Variants in BTBD16 observed in about 807,000 individuals in gnomAD.
BTBD16 encodes the protein BTB/POZ domain-containing protein 16.
In BTBD16, 66 loss-of-function variants were observed where a neutral mutation model predicts 67.4. The observed-to-expected ratio is 0.98, with a 90% CI of 0.80 to 1.20. The LOEUF is 1.20. BTBD16 is among the 50% of genes most tolerant of loss of function. The pLI is 0.00. For synonymous variants in BTBD16, 242 were observed against 236.4 expected (o/e 1.02, Z -0.22); for missense variants, 634 against 616.0 (o/e 1.03, Z -0.31).
At chr10:122,287,175 GC>G (rs1174210188) in intron 5 of BTBD16, among the ~76,000 whole-genome samples, 1 of 152,194 alleles carries the variant, frequency 6.6e-6, no homozygotes, top group African/African-American at 2.4e-5. Flanking sequence ...ACTGCAACAA[GC>G]TTGGTGCTGG....
chr10:122,307,039 T>G, intron 9 of BTBD16, 150 bp from the exon 10 acceptor site: 2 of 797,692 alleles, frequency 2.5e-6, no homozygotes, highest in Non-Finnish European at 3.8e-6. Context: ...TGGCCTTGAG[T>G]AAGCTGTTTA....
At chr10:122,297,865 G>C (rs774088901) in intron 8 of BTBD16, 28 bp downstream of exon 8, 1 of 1,610,214 alleles carries the variant, frequency 6.2e-7, no homozygotes. Flanking sequence ...GGGGCACATC[G>C]CCCCTTGGGG....
chr10:122,295,297 G>A, intron 7 of BTBD16: 1 of 985,324 alleles, frequency 1.0e-6, no homozygotes, highest in Non-Finnish European at 1.2e-6. Flanking sequence ...AAGAATTACA[G>A]CAGTCAAAGG....
chr10:122,311,016 G>A (rs2096412839), intron 10 of BTBD16, among the ~76,000 whole-genome samples: 1 of 105,734 alleles, frequency 9.5e-6, no homozygotes, highest in Non-Finnish European at 1.9e-5. Context: ...AGACAGGCTA[G>A]GAGGGAACGT....
At chr10:122,331,364 G>T in intron 12 of BTBD16, 106 bp downstream of exon 12, 11 of 1,493,290 alleles carry the variant, frequency 7.4e-6, no homozygotes, top group Non-Finnish European at 9.8e-6. Context: ...AACCTCTGAG[G>T]TCAGGACATA....
chr10:122,299,114 C>T lies in BTBD16; in HGVS notation c.771C>T (p.His257=), dbSNP rs763254743. The T allele has an allele frequency of 3.1e-5, 50 of 1,613,794 alleles. No individual in the cohort carries two copies. In the South Asian group the frequency reaches 5.2e-4, roughly 17 times the overall value. ...ACAAAATCCCACAGGACCTGCTCCA[C>T]AAAGTGCTGAAGTCCCCCAGGTCAG... ...HLHKIPQDLL[H]KVLKSPRLFT... is the part of the protein sequence containing the mutation. Residue 257 remains histidine (H), a synonymous_variant, in exon 9 of 16, where the codon CAC becomes CAT. Transcript: ENST00000260723.
chr10:122,281,597 T>G (rs2096353324), intron 3 of BTBD16, among the ~76,000 whole-genome samples: 1 of 152,116 alleles, frequency 6.6e-6, no homozygotes, highest in African/African-American at 2.4e-5. Flanking sequence ...ATAACTCCAT[T>G]TTTATGTTGA....
chr10:122,316,945 G>A (rs2096425979), intron 10 of BTBD16, among the ~76,000 whole-genome samples: 1 of 152,112 alleles, frequency 6.6e-6, no homozygotes, highest in African/African-American at 2.4e-5. Flanking sequence ...GTGTCAGTGC[G>A]CCCGGCTAAT....
chr10:122,312,441 T>C (rs1399945314), intron 10 of BTBD16, among the ~76,000 whole-genome samples: 2 of 151,612 alleles, frequency 1.3e-5, no homozygotes, highest in African/African-American at 2.4e-5. Context: ...GCCTCCTGAG[T>C]AGCTGGGACT....
At chr10:122,271,936 G>C (rs187089738) in intron 1 of BTBD16, among the ~76,000 whole-genome samples, 55 of 152,308 alleles carry the variant, frequency 3.6e-4, no homozygotes, top group African/African-American at 1.3e-3. Flanking sequence ...CGAGTCCCGT[G>C]TGGGGTTTAT....
At chr10:122,287,849 C>T (rs2096366755) in intron 5 of BTBD16, among the ~76,000 whole-genome samples, 1 of 152,126 alleles carries the variant, frequency 6.6e-6, no homozygotes, top group African/African-American at 2.4e-5. Context: ...GCGTGGAATC[C>T]AAGGAGGAAG....
At chr10:122,309,400 A>G (rs1220008313) in intron 10 of BTBD16, among the ~76,000 whole-genome samples, 1 of 150,928 alleles carries the variant, frequency 6.6e-6, no homozygotes, top group East Asian at 1.9e-4. Context: ...GCTGGAGTGC[A>G]GTAGCGCCAT....
At chr10:122,275,311 G>A (rs951748213) in intron 2 of BTBD16, among the ~76,000 whole-genome samples, 6 of 152,248 alleles carry the variant, frequency 3.9e-5, no homozygotes, top group Non-Finnish European at 8.8e-5. Context: ...TTACTTTGAC[G>A]TTTTACGTGA....
chr10:122,314,930 T>C (rs1375409950), intron 10 of BTBD16, among the ~76,000 whole-genome samples: 2 of 151,972 alleles, frequency 1.3e-5, no homozygotes, highest in Non-Finnish European at 2.9e-5. Context: ...ATGAACGTCA[T>C]CTGATAATGA....
chr10:122,285,740 C>T (rs933170327), intron 4 of BTBD16, among the ~76,000 whole-genome samples: 1 of 152,102 alleles, frequency 6.6e-6, no homozygotes, highest in African/African-American at 2.4e-5. Flanking sequence ...ATAGGGGAAG[C>T]CAGAATGAGG....
At chr10:122,304,286 A>T (rs1379678201) in intron 9 of BTBD16, among the ~76,000 whole-genome samples, 1 of 152,188 alleles carries the variant, frequency 6.6e-6, no homozygotes, top group Non-Finnish European at 1.5e-5. Flanking sequence ...CAGAAATAGC[A>T]TGAGAGGTGG....
rs184744907 is a variant in BTBD16 at position 122,322,012 on chromosome 10, A to T, written c.912-7468A>T. On this transcript the variant is annotated intron_variant, in intron 10 of 15. Transcript: ENST00000260723. ...GGTAAATGTTTATTATGTTTTTAGT[A>T]TCTATAGAATTTGTTGTGATGGCCC... Among the ~76,000 whole-genome samples the T allele has an allele frequency of 2.6e-5, 4 of 152,172 alleles. No homozygotes were observed. In the East Asian group the frequency reaches 7.7e-4, roughly 29 times the overall value.
At chr10:122,274,434 C>T (rs756787369) in intron 1 of BTBD16, among the ~76,000 whole-genome samples, 2 of 152,244 alleles carry the variant, frequency 1.3e-5, no homozygotes, top group African/African-American at 2.4e-5. Flanking sequence ...GGAGAGTTCT[C>T]CAGTTTCCTT....
At chr10:122,314,375 A>C (rs1323532013) in intron 10 of BTBD16, among the ~76,000 whole-genome samples, 1 of 151,862 alleles carries the variant, frequency 6.6e-6, no homozygotes, top group African/African-American at 2.4e-5. Context: ...ATGGTGGCAC[A>C]CTCCTGTAGT....
Sources: allele counts gnomAD v4.1 joint callset (sites outside exome capture counted in the v4.1 genomes callset), GRCh38; gene constraint gnomAD v4.1.1; transcripts MANE v1.5; gene names NCBI Gene and HGNC (gene_info 2026-07-23, HGNC 2026-07-21).